CADM1: variants seen among roughly 807,000 people sequenced by gnomAD.
The protein encoded by CADM1 is cell adhesion molecule 1.
A neutral mutation model predicts 53.1 loss-of-function variants in CADM1; 15 were observed. That is an observed-to-expected ratio of 0.28 (90% CI 0.19 to 0.44). The LOEUF (loss-of-function observed/expected upper bound fraction) is 0.44, where lower values mean the gene tolerates loss of function less well. CADM1 is among the 20% of genes least tolerant of loss of function. The pLI is 1.00. For synonymous variants in CADM1, 281 were observed against 243.0 expected, an observed-to-expected ratio of 1.16 and a Z score of -1.45; for missense variants, 434 against 611.3, an observed-to-expected ratio of 0.71 and a Z score of 3.06.
chr11:115,413,641 G>GTTTTTTTTTTTTTTTT lies in CADM1; in HGVS notation c.124+90629_124+90630insAAAAAAAAAAAAAAAA, dbSNP rs1215267771. On this transcript the variant is annotated intron_variant, in intron 1 of 11. Transcript: ENST00000331581. The stretch of plus-strand genomic sequence containing the variant: ...TCCCAGGGAGTGTGGCTCCAGCTCA[G>GTTTTTTTTTTTTTTTT]TTCTTTTTTTTTTTTTTCTCTGAGA... 1.1e-3 allele frequency among the ~76,000 whole-genome samples: 106 copies of GTTTTTTTTTTTTTTTT among 94,050 alleles called. 1 individual carries two copies. The highest frequency in any genetic ancestry group is 1.9e-3 in the Non-Finnish European group (69 of 36,608). 61.7% of individuals were successfully genotyped at this position (94,050 alleles called of 152,430 possible). A position where few individuals can be genotyped will look rare whatever the true frequency, so the allele number is the denominator to read the frequency against.
intron 1 of CADM1, chr11:115,256,820 A>G (rs1200506017): frequency 4.4e-6 from 2 of 456,078 alleles, no homozygotes; most frequent in Non-Finnish European, 8.8e-6. Flanking sequence ...GAAAGCTGTT[A>G]GCTGTTCTTA....
rs1242471173 is a variant in CADM1 at position 115,175,410 on chromosome 11, T to G, written c.*1064A>C. 1.1e-5 allele frequency: 11 copies of G among 984,428 alleles called. No homozygotes were observed. Among genetic ancestry groups the G allele is most frequent in the Non-Finnish European group, 1.3e-5 (11 of 829,766 alleles). The allele number at this position is 984,428 out of a possible 1,614,324, so 61.0% of individuals were successfully genotyped here. A position where few individuals can be genotyped will look rare whatever the true frequency, so the allele number is the denominator to read the frequency against. ...AAAAAATCAACTCTGTCCCATTCAG[T>G]CATTCGCACAACAGACGAACTTGCT... On this transcript the variant is annotated 3_prime_UTR_variant, in exon 12 of 12. Coordinates refer to ENST00000331581, the MANE Select transcript of CADM1 (RefSeq NM_001301043.2).
At chr11:115,273,534 A>C in intron 1 of CADM1, among the ~76,000 whole-genome samples, 1 of 152,336 alleles carries the variant, frequency 6.6e-6, no homozygotes, top group Admixed American at 6.5e-5. Flanking sequence ...TACTAGAAGT[A>C]TCATGATTTT....
At chr11:115,469,653 A>G (rs1591277714) in intron 1 of CADM1, among the ~76,000 whole-genome samples, 1 of 141,188 alleles carries the variant, frequency 7.1e-6, no homozygotes, top group Admixed American at 7.3e-5. Flanking sequence ...TAACCATACT[A>G]TCCTCAACTT....
At chr11:115,438,705 A>G (rs1317633440) in intron 1 of CADM1, among the ~76,000 whole-genome samples, 1 of 150,686 alleles carries the variant, frequency 6.6e-6, no homozygotes, top group South Asian at 2.1e-4. Flanking sequence ...GAACTTTTAC[A>G]TAATATGGTT....
intron 1 of CADM1, among the ~76,000 whole-genome samples, chr11:115,320,704 AT>A (rs1364754724): frequency 6.6e-6 from 1 of 151,920 alleles, no homozygotes; most frequent in African/African-American, 2.4e-5. Flanking sequence ...AAAAAGTTTC[AT>A]TTAATTAAAT....
At chr11:115,461,374 C>A (rs1406766816) in intron 1 of CADM1, among the ~76,000 whole-genome samples, 1 of 152,070 alleles carries the variant, frequency 6.6e-6, no homozygotes, top group Non-Finnish European at 1.5e-5. Context: ...GAACAAAATT[C>A]TTAAAGGTGA....
chr11:115,198,093 T>C lies in CADM1; in HGVS notation c.1111+313A>G, dbSNP rs79262434. On this transcript the variant is annotated intron_variant, in intron 9 of 11. Transcript: ENST00000331581. ...TTACAATTTTCCTGCGAATACTCGT[T>C]TGTTTGAAGCCCCATGTATTTCAAG... Among the ~76,000 whole-genome samples, 650 of 152,332 alleles carry C rather than the reference T, an allele frequency of 4.3e-3. 3 individuals carry two copies. The highest frequency in any genetic ancestry group is 6.5e-3 in the Non-Finnish European group (443 of 68,028).
intron 1 of CADM1, among the ~76,000 whole-genome samples, chr11:115,455,024 A>C (rs1472129020): frequency 6.6e-6 from 1 of 152,188 alleles, no homozygotes; most frequent in Non-Finnish European, 1.5e-5. Flanking sequence ...CCTTCAATCC[A>C]TAATGATAGA....
Position 115,172,400 on chromosome 11 carries a change from G to A in CADM1, c.*4074C>T, listed in dbSNP as rs45460594. ...TGCTTTCTTCTCCCCATACAAATCA[G>A]CAGGCTGGCTGGGCTTGTTGCCCTC... is the stretch of plus-strand genomic sequence containing the variant. On this transcript the variant is annotated 3_prime_UTR_variant, in exon 12 of 12. Transcript: ENST00000331581. 2,512 of 152,372 alleles carry A rather than the reference G, an allele frequency of 0.016. 26 individuals carry two copies. The highest frequency in any genetic ancestry group is 0.026 in the Non-Finnish European group (1,774 of 68,076). 9.4% of individuals were successfully genotyped at this position (152,372 alleles called of 1,614,324 possible).
chr11:115,231,269 G>A lies in CADM1; in HGVS notation c.562+84C>T, dbSNP rs1002989259. 6 of 1,448,346 alleles carry A rather than the reference G, an allele frequency of 4.1e-6. No individual in the cohort carries two copies. In the African/African-American group the frequency reaches 7.0e-5, roughly 17 times the overall value. The allele number at this position is 1,448,346 out of a possible 1,614,324, so 89.7% of individuals were successfully genotyped here. A position where few individuals can be genotyped will look rare whatever the true frequency, so the allele number is the denominator to read the frequency against. ...ATGAATACTTTTGTTTCATGGGCAT[G>A]TTTTGTATTTCTCCATGATTTTCAC... On this transcript the variant is annotated intron_variant, in intron 4 of 11. Coordinates refer to ENST00000331581, the MANE Select transcript of CADM1 (RefSeq NM_001301043.2).
Position 115,231,215 on chromosome 11 carries a change from T to C in CADM1, c.562+138A>G, listed in dbSNP as rs184752303. 8.2e-5 allele frequency: 80 copies of C among 972,280 alleles called. No homozygotes were observed. In the African/African-American group the frequency reaches 9.7e-4, roughly 12 times the overall value. 60.2% of individuals were successfully genotyped at this position (972,280 alleles called of 1,614,324 possible). A position where few individuals can be genotyped will look rare whatever the true frequency, so the allele number is the denominator to read the frequency against. On this transcript the variant is annotated intron_variant, in intron 4 of 11. Coordinates refer to ENST00000331581, the MANE Select transcript of CADM1 (RefSeq NM_001301043.2). ...CTTTTATGCTTTGGCCTCAGACATA[T>C]TTAGTAACTGATTATAAACCATATC...
intron 1 of CADM1, among the ~76,000 whole-genome samples, chr11:115,416,623 T>C (rs1044262824): frequency 1.3e-5 from 2 of 151,838 alleles, no homozygotes; most frequent in African/African-American, 4.8e-5. Context: ...ACAGTCACAG[T>C]ACTAACTTGT....
chr11:115,486,231 C>T (rs1949370536), intron 1 of CADM1, among the ~76,000 whole-genome samples: 1 of 152,186 alleles, frequency 6.6e-6, no homozygotes, highest in African/African-American at 2.4e-5. Context: ...CATTGTAGGA[C>T]TCATGAACCT....
chr11:115,429,600 A>G (rs1342578640), intron 1 of CADM1, among the ~76,000 whole-genome samples: 1 of 152,102 alleles, frequency 6.6e-6, no homozygotes, highest in African/African-American at 2.4e-5. Flanking sequence ...AAAAAAAAAA[A>G]AAATAGAAGC....
intron 1 of CADM1, among the ~76,000 whole-genome samples, chr11:115,433,131 C>T (rs914301402): frequency 6.6e-6 from 1 of 152,112 alleles, no homozygotes; most frequent in African/African-American, 2.4e-5. Context: ...GACCACCCCC[C>T]CACCCAAACA....
intron 1 of CADM1, among the ~76,000 whole-genome samples, chr11:115,412,489 G>A (rs1947483698): frequency 6.6e-6 from 1 of 152,198 alleles, no homozygotes; most frequent in African/African-American, 2.4e-5. Flanking sequence ...GTGAGCCACT[G>A]TGCACAGCCC....
intron 1 of CADM1, among the ~76,000 whole-genome samples, chr11:115,270,370 C>G (rs993014233): frequency 6.6e-6 from 1 of 152,122 alleles, no homozygotes; most frequent in Non-Finnish European, 1.5e-5. Flanking sequence ...TGATTCAGCC[C>G]TCAATCTGCT....
chr11:115,182,868 T>C (rs1939377431), intron 10 of CADM1, among the ~76,000 whole-genome samples: 1 of 152,216 alleles, frequency 6.6e-6, no homozygotes, highest in African/African-American at 2.4e-5. Flanking sequence ...GAGTTAGCTT[T>C]TCTTTTGGCA....
Sources: allele counts gnomAD v4.1 joint callset (sites outside exome capture counted in the v4.1 genomes callset), GRCh38; gene constraint gnomAD v4.1.1; transcripts MANE v1.5; gene names NCBI Gene and HGNC (gene_info 2026-07-23, HGNC 2026-07-21).